Variants in RFC1 observed in about 807,000 individuals in gnomAD.
RFC1 encodes replication factor C subunit 1, also known as A1 140 kDa subunit.
In RFC1, 37 loss-of-function variants were observed where a neutral mutation model predicts 137.4. The ratio of observed to expected loss-of-function variants is 0.27; its 90% CI spans 0.21 to 0.35. The LOEUF (loss-of-function observed/expected upper bound fraction) is 0.35. Among genes scored for constraint, RFC1 ranks in the 10% least tolerant of loss-of-function variants. RFC1 has a pLI of 1.00. For missense variants in RFC1, 1,205 were observed against 1,358.5 expected, an observed-to-expected ratio of 0.89 and a Z score of 1.78; for synonymous variants, 429 against 455.7, an observed-to-expected ratio of 0.94 and a Z score of 0.75.
chr4:39,289,371 G>C (rs1284481804), intron 24 of RFC1, among the ~76,000 whole-genome samples: 1 of 152,214 alleles, frequency 6.6e-6, no homozygotes, highest in Non-Finnish European at 1.5e-5. Flanking sequence ...ACCCAGCGAA[G>C]GACAGAGGAG....
rs1740198160 is a variant in RFC1, at chr4:39,333,372, ATAG to A, written c.332-5619_332-5617del. On this transcript the variant is annotated intron_variant, in intron 4 of 24. Transcript: ENST00000349703. ...CTTAAAGAAGTTCATATCCTTTAGC[ATAG>A]TAACTCTTGGAGATAATCAGAGGTG... 2.0e-5 allele frequency among the ~76,000 whole-genome samples: 3 copies of A among 152,200 alleles called. No individual in the cohort carries two copies. The South Asian group carries it at 6.2e-4, about 32-fold the overall frequency.
In RFC1 at chr4:39,312,384, C is replaced by T. The variant is rs189333413; in HGVS notation, c.1383+368G>A. Among the ~76,000 whole-genome samples, 18 of 152,092 alleles carry T rather than the reference C, an allele frequency of 1.2e-4. No homozygotes were observed. In the East Asian group the frequency reaches 3.1e-3, roughly 26 times the overall value. On this transcript the variant is annotated intron_variant, in intron 11 of 24. Coordinates refer to ENST00000349703, the MANE Select transcript of RFC1 (RefSeq NM_002913.5). ...CTAAACACAATCCTACCCAACAGGC[C>T]GCTGATTCTTTTTCTAAAAACACCA...
intron 1 of RFC1, among the ~76,000 whole-genome samples, chr4:39,361,261 T>C (rs1741740321): frequency 6.6e-6 from 1 of 151,884 alleles, no homozygotes; most frequent in Non-Finnish European, 1.5e-5. Flanking sequence ...TGGTGGCACA[T>C]GCCTGTAATC....
At chr4:39,328,818 T>A (rs2109691084) in intron 4 of RFC1, among the ~76,000 whole-genome samples, 1 of 152,200 alleles carries the variant, frequency 6.6e-6, no homozygotes, top group East Asian at 1.9e-4. Flanking sequence ...GGAAAGTGAA[T>A]GCAGGGAGAC....
intron 10 of RFC1, among the ~76,000 whole-genome samples, chr4:39,316,695 T>C (rs138391319): frequency 2.0e-5 from 3 of 152,336 alleles, no homozygotes; most frequent in East Asian, 1.9e-4. Flanking sequence ...AAGCTCAGCC[T>C]TTCTAGGGCT....
intron 2 of RFC1, among the ~76,000 whole-genome samples, chr4:39,350,048 T>C (rs1741107294): frequency 6.6e-6 from 1 of 151,840 alleles, no homozygotes; most frequent in Non-Finnish European, 1.5e-5. Context: ...CTCAAGGACA[T>C]AAAAGACAGA....
In RFC1 at chr4:39,308,824, TCAC is replaced by T. The variant is rs751527492; in HGVS notation, c.1694_1696del (p.Gly565del). ...ATCAGCCAAATTCCTAGCCTTGCTG[TCAC>T]CACTTGTCTCCTCAGCCACCTGCTC... On this transcript the variant is annotated inframe_deletion, in exon 13 of 25. Transcript: ENST00000349703. The T allele has an allele frequency of 3.1e-6, 5 of 1,614,206 alleles. No individual in the cohort carries two copies. The South Asian group carries it at 3.3e-5, about 11-fold the overall frequency.
rs1578171405 is a variant in RFC1 at position 39,354,526 on chromosome 4, C to T, written c.4-3050G>A. Among the ~76,000 whole-genome samples, 5 of 152,160 alleles carry T rather than the reference C, an allele frequency of 3.3e-5. 1 individual carries two copies. In the South Asian group the frequency reaches 1.0e-3, roughly 32 times the overall value. ...ATTTAAATTTATTTTTCAATCTTGG[C>T]AAGTAGAAGTCCCTCAAAGCAGAAC... is the stretch of plus-strand genomic sequence containing the variant. On this transcript the variant is annotated intron_variant, in intron 1 of 24. Coordinates refer to ENST00000349703, the MANE Select transcript of RFC1 (RefSeq NM_002913.5).
At chr4:39,361,289 T>G (rs1398344671) in intron 1 of RFC1, among the ~76,000 whole-genome samples, 1 of 152,080 alleles carries the variant, frequency 6.6e-6, no homozygotes, top group African/African-American at 2.4e-5. Flanking sequence ...CTTGGGAGGC[T>G]GAGGCAGGAG....
intron 4 of RFC1, among the ~76,000 whole-genome samples, chr4:39,340,075 G>A (rs1740539100): frequency 6.6e-6 from 1 of 152,146 alleles, no homozygotes; most frequent in Non-Finnish European, 1.5e-5. Flanking sequence ...TATCACAAAG[G>A]CTGCTGATGC....
At position 39,288,661 on chromosome 4, in the gene RFC1, T is replaced by A; in HGVS notation, c.*100A>T. On this transcript the variant is annotated 3_prime_UTR_variant, in exon 25 of 25. Coordinates refer to ENST00000349703, the MANE Select transcript of RFC1 (RefSeq NM_002913.5). ...GGGACACCAGGTCATCCCATTATGC[T>A]AAAACATGGTTGCTCTGGGAAAAAA... 1.3e-6 allele frequency: 1 copy of A among 769,218 alleles called. No individual in the cohort carries two copies. 47.6% of individuals were successfully genotyped at this position (769,218 alleles called of 1,614,324 possible). A position where few individuals can be genotyped will look rare whatever the true frequency, so the allele number is the denominator to read the frequency against.
rs767280898 is a variant in RFC1 at position 39,302,786 on chromosome 4, T to C, written c.2291A>G (p.His764Arg). ...TTGAAAACGAAGATCAAAACAATAA[T>C]GAACCAGAGAGCGAATCTTGGGATG... Reference protein sequence around the residue: ...RNHPKIRSLVHYCFDLRFQRP... With the variant: ...RNHPKIRSLVRYCFDLRFQRP... The change falls in exon 17 of 25, where the codon CAT becomes CGT. Residue 764 changes from histidine (H) to arginine (R), a missense_variant. His to Arg is a conservative substitution (Grantham distance 29, BLOSUM62 0). Coordinates refer to ENST00000349703, the MANE Select transcript of RFC1 (RefSeq NM_002913.5). 3.7e-6 allele frequency: 6 copies of C among 1,603,930 alleles called. No homozygotes were observed. The highest frequency in any genetic ancestry group is 4.2e-6 in the Non-Finnish European group (5 of 1,177,254).
At chr4:39,354,684 G>A (rs1394570012) in intron 1 of RFC1, among the ~76,000 whole-genome samples, 1 of 139,854 alleles carries the variant, frequency 7.2e-6, no homozygotes, top group Non-Finnish European at 1.5e-5. Context: ...CAGACAGGCT[G>A]AGACAAGAGG....
chr4:39,357,723 T>C (rs957698581), intron 1 of RFC1, among the ~76,000 whole-genome samples: 1 of 151,894 alleles, frequency 6.6e-6, no homozygotes, highest in Non-Finnish European at 1.5e-5. Flanking sequence ...TTCATGCAGT[T>C]GTCCTGCCTC....
chr4:39,294,682 A>G (rs1191049690), intron 22 of RFC1, among the ~76,000 whole-genome samples: 1 of 151,808 alleles, frequency 6.6e-6, no homozygotes, highest in Non-Finnish European at 1.5e-5. Flanking sequence ...TAAAAAAAAA[A>G]AAAGAAAAGA....
At chr4:39,361,031 T>C (rs1023236440) in intron 1 of RFC1, among the ~76,000 whole-genome samples, 1 of 152,140 alleles carries the variant, frequency 6.6e-6, no homozygotes, top group Admixed American at 6.5e-5. Flanking sequence ...CAAAATCATA[T>C]ATCTGAATAA....
intron 2 of RFC1, among the ~76,000 whole-genome samples, 156 bp downstream of exon 2, chr4:39,351,192 A>G (rs1741172167): frequency 7.5e-6 from 1 of 133,050 alleles, no homozygotes; most frequent in African/African-American, 2.8e-5. Flanking sequence ...CGGAGCTTGC[A>G]GTCTGCCGAG....
chr4:39,348,443 A>AGG, intron 2 of RFC1, among the ~76,000 whole-genome samples: 1 of 122,956 alleles, frequency 8.1e-6, no homozygotes, highest in Non-Finnish European at 1.9e-5. Context: ...AGAAAAGAAA[A>AGG]GAAAAGAAAA....
rs139096199 is a variant in RFC1, at chr4:39,308,744, T to C, written c.1777A>G (p.Thr593Ala). 39 of 1,614,200 alleles carry C rather than the reference T, an allele frequency of 2.4e-5. No individual in the cohort carries two copies. In the East Asian group the frequency reaches 3.1e-4, roughly 13 times the overall value. ...TGTCCAATTATGGTCTTGAGCGAGG[T>C]TGGCTTATATTTATCCACCCAGAGC... The part of the protein sequence containing the change: ...NLLWVDKYKP[T>A]SLKTIIGQQG... The change falls in exon 13 of 25, where the codon ACC (threonine) becomes GCC (alanine). Residue 593 changes from threonine to alanine, a missense_variant. Physicochemically the swap from Thr to Ala is moderately conservative, Grantham distance 58 (BLOSUM62 0). Transcript: ENST00000349703.
Sources: gnomAD v4.1 joint callset for allele counts (sites outside exome capture counted in the v4.1 genomes callset) on GRCh38, gnomAD v4.1.1 for gene constraint, MANE v1.5 for transcripts, NCBI Gene and HGNC (gene_info 2026-07-23, HGNC 2026-07-21) for gene names.